The following TMOD3 variants were observed in gnomAD, a reference collection of about 807,000 sequenced individuals.
TMOD3 encodes the protein tropomodulin-3.
Under a neutral mutation model 39.2 loss-of-function variants are expected in TMOD3, and 20 were observed. The observed-to-expected ratio is 0.51, with a 90% CI of 0.36 to 0.74. The LOEUF is 0.74. Among genes scored for constraint, TMOD3 ranks in the 30% least tolerant of loss-of-function variants. The pLI is 0.00. For synonymous variants in TMOD3, 143 were observed against 145.8 expected (o/e 0.98, Z 0.14); for missense variants, 381 against 412.8 (o/e 0.92, Z 0.67).
At chr15:51,873,914 C>T (rs1404272461) in intron 3 of TMOD3, among the ~76,000 whole-genome samples, 1 of 152,134 alleles carries the variant, frequency 6.6e-6, no homozygotes, top group African/African-American at 2.4e-5. Flanking sequence ...AGCCACTGCA[C>T]CTGGCCGACT....
intron 1 of TMOD3, chr15:51,861,070 C>CA: frequency 1.2e-5 from 8 of 673,230 alleles, no homozygotes; most frequent in South Asian, 9.9e-5. Flanking sequence ...AATGAATATC[C>CA]AATGCGTGTT....
chr15:51,836,820 C>T (rs1405378859), intron 1 of TMOD3, among the ~76,000 whole-genome samples: 1 of 152,008 alleles, frequency 6.6e-6, no homozygotes, highest in Non-Finnish European at 1.5e-5. Context: ...AAGATATCCA[C>T]TGCCTCGGGT....
intron 9 of TMOD3, among the ~76,000 whole-genome samples, chr15:51,905,997 C>G (rs1345473411): frequency 7.0e-6 from 1 of 141,902 alleles, no homozygotes; most frequent in Non-Finnish European, 1.5e-5. Flanking sequence ...GGACCAGATC[C>G]AAAGAATTGT....
At chr15:51,858,783 C>G (rs2056401050) in intron 1 of TMOD3, among the ~76,000 whole-genome samples, 1 of 152,168 alleles carries the variant, frequency 6.6e-6, no homozygotes, top group African/African-American at 2.4e-5. Flanking sequence ...CAGTCGTATG[C>G]TTTCCATGTA....
intron 1 of TMOD3, among the ~76,000 whole-genome samples, chr15:51,856,285 A>G (rs1049006198): frequency 1.8e-4 from 28 of 152,160 alleles, no homozygotes; most frequent in Non-Finnish European, 2.9e-5. Flanking sequence ...CAAACAAACA[A>G]AAAGTGATAA....
Position 51,887,685 on chromosome 15 carries a change from C to T in TMOD3, c.380C>T (p.Ser127Phe). The T allele has an allele frequency of 6.2e-7, 1 of 1,613,880 alleles. No individual in the cohort carries two copies. Among genetic ancestry groups the T allele is most frequent in the Non-Finnish European group, 8.5e-7 (1 of 1,179,940 alleles). Residue 127 changes from serine (S) to phenylalanine (F), a missense_variant, in exon 4 of 10, where the codon TCT becomes TTT. Coordinates refer to ENST00000308580, the MANE Select transcript of TMOD3 (RefSeq NM_014547.5). The part of the protein sequence containing the change: ...PELEEALTSA[S>F]DTELCDLAAI... ...TTAGAAGAAGCTTTGACAAGTGCTTCTGATACAGAATTGTGTGACCTCGCA... is the reference window on the plus strand; with the variant it reads ...TTAGAAGAAGCTTTGACAAGTGCTTTTGATACAGAATTGTGTGACCTCGCA...
intron 2 of TMOD3, among the ~76,000 whole-genome samples, chr15:51,866,740 T>C (rs1307367771): frequency 6.6e-6 from 1 of 152,188 alleles, no homozygotes; most frequent in Non-Finnish European, 1.5e-5. Flanking sequence ...TCTAACACCT[T>C]TATTCAGTAA....
In TMOD3 at chr15:51,865,493, C is replaced by G. The variant is rs148496912; in HGVS notation, c.126+2483C>G. Among the ~76,000 whole-genome samples the G allele has an allele frequency of 1.4e-3, 214 of 152,292 alleles. 11 individuals carry two copies. The highest frequency in any genetic ancestry group is 9.7e-3 in the East Asian group (50 of 5,180). On this transcript the variant is annotated intron_variant, in intron 2 of 9. Transcript: ENST00000308580. ...CCAACTCATGCACTATGGTATCAGT[C>G]TGAAATCTGTTGGCTAATTTTTTAT...
At position 51,872,376 on chromosome 15, in the gene TMOD3, G is replaced by A. The variant is rs2056479502; in HGVS notation, c.283+3003G>A. ...CTACTGTACTCCAGCCTGGGCGACA[G>A]AGTCGAGACCCTGTCTCAAAAAAAA... On this transcript the variant is annotated intron_variant, in intron 3 of 9. Coordinates refer to ENST00000308580, the MANE Select transcript of TMOD3 (RefSeq NM_014547.5). Among the ~76,000 whole-genome samples the A allele has an allele frequency of 2.0e-5, 3 of 151,902 alleles. No homozygotes were observed. In the South Asian group the frequency reaches 6.2e-4, roughly 32 times the overall value.
At position 51,908,807 on chromosome 15, in the gene TMOD3, G is replaced by C. The variant is rs2056695336; in HGVS notation, c.1056G>C (p.Gln352His). The change falls in exon 10 of 10, where the codon CAG (glutamine) becomes CAC (histidine). Residue 352 changes from glutamine to histidine, a missense_variant. Coordinates refer to ENST00000308580, the MANE Select transcript of TMOD3 (RefSeq NM_014547.5). ...AGAGACGAGTTGAAGGAGATCACCA[G>C]TAAGTCTGCAAAGGTGTAATCTTTG... ...VRKRRVEGDH[Q>H] The C allele has an allele frequency of 1.9e-6, 3 of 1,607,242 alleles. No homozygotes were observed. Among genetic ancestry groups the C allele is most frequent in the African/African-American group, 1.3e-5 (1 of 74,808 alleles).
rs530907436 is a variant in TMOD3 at position 51,843,882 on chromosome 15, G to A, written c.-75+14046G>A. Reference sequence around the variant, plus strand: ...TAAAATGAGCTTTGCTATTGGTTTCGCAGATTGCTAGTTTTTTTTTTTTAA... The same window carrying A: ...TAAAATGAGCTTTGCTATTGGTTTCACAGATTGCTAGTTTTTTTTTTTTAA... On this transcript the variant is annotated intron_variant, in intron 1 of 9. Coordinates refer to ENST00000308580, the MANE Select transcript of TMOD3 (RefSeq NM_014547.5). Among the ~76,000 whole-genome samples, 26 of 99,796 alleles carry A rather than the reference G, an allele frequency of 2.6e-4. No homozygotes were observed. The East Asian group carries it at 5.5e-3, about 21-fold the overall frequency. 65.5% of individuals were successfully genotyped at this position (99,796 alleles called of 152,430 possible).
Position 51,880,211 on chromosome 15 carries a change from A to C in TMOD3, c.284-7378A>C, listed in dbSNP as rs147053801. Reference sequence around the variant, plus strand: ...TGTATCTGGCTCAATTTGTCTCAGAAAATTATCTTTTTTTAATCTTCACAT... The same window carrying C: ...TGTATCTGGCTCAATTTGTCTCAGACAATTATCTTTTTTTAATCTTCACAT... On this transcript the variant is annotated intron_variant, in intron 3 of 9. Transcript: ENST00000308580. 2.6e-3 allele frequency among the ~76,000 whole-genome samples: 391 copies of C among 152,286 alleles called. 2 individuals carry two copies. Among genetic ancestry groups the C allele is most frequent in the African/African-American group, 9.1e-3 (379 of 41,556 alleles).
intron 8 of TMOD3, among the ~76,000 whole-genome samples, chr15:51,901,653 G>A (rs578131625): frequency 4.7e-4 from 70 of 148,282 alleles, no homozygotes; most frequent in African/African-American, 1.7e-3. Flanking sequence ...TGGGTCAATG[G>A]GTAAAATCCC....
intron 1 of TMOD3, among the ~76,000 whole-genome samples, chr15:51,843,610 A>G (rs1009947239): frequency 5.9e-5 from 9 of 152,108 alleles, no homozygotes; most frequent in South Asian, 2.1e-4. Flanking sequence ...TCCTCTTTTT[A>G]TGAGGTTCCA....
At chr15:51,869,163 A>G (rs2056461958) in intron 2 of TMOD3, 54 bp from the exon 3 acceptor site, 1 of 1,582,338 alleles carries the variant, frequency 6.3e-7, no homozygotes, top group Non-Finnish European at 8.6e-7. Flanking sequence ...CTTCGGAAGC[A>G]TATAGCATTA....
At chr15:51,906,191 T>C (rs1392587161) in intron 9 of TMOD3, among the ~76,000 whole-genome samples, 1 of 152,124 alleles carries the variant, frequency 6.6e-6, no homozygotes, top group Non-Finnish European at 1.5e-5. Context: ...TTTTCAGCTG[T>C]ATACTCTGAC....
At chr15:51,844,750 C>G (rs1352757001) in intron 1 of TMOD3, among the ~76,000 whole-genome samples, 1 of 152,068 alleles carries the variant, frequency 6.6e-6, no homozygotes, top group East Asian at 1.9e-4. Flanking sequence ...TTCATGTTTT[C>G]ATGGAAACAT....
intron 4 of TMOD3, among the ~76,000 whole-genome samples, chr15:51,888,275 G>A (rs2056575274): frequency 6.6e-6 from 1 of 152,168 alleles, no homozygotes; most frequent in South Asian, 2.1e-4. Context: ...AGAAAAGTGT[G>A]ATGCATGGGG....
chr15:51,867,136 G>A (rs1000505042), intron 2 of TMOD3, among the ~76,000 whole-genome samples: 1 of 152,176 alleles, frequency 6.6e-6, no homozygotes, highest in East Asian at 1.9e-4. Flanking sequence ...GATGAGGCTA[G>A]GGTGACAGAC....
Sources: allele counts gnomAD v4.1 joint callset (sites outside exome capture counted in the v4.1 genomes callset), GRCh38; gene constraint gnomAD v4.1.1; transcripts MANE v1.5; gene names NCBI Gene and HGNC (gene_info 2026-07-23, HGNC 2026-07-21).